The following HGD variants were observed in gnomAD, a reference collection of about 807,000 sequenced individuals.
HGD encodes the protein homogentisate 1,2-dioxygenase, also known as homogentisate oxidase.
Under a neutral mutation model 60.8 loss-of-function variants are expected in HGD, and 61 were observed. The ratio of observed to expected loss-of-function variants is 1.00; its 90% CI spans 0.82 to 1.24. The LOEUF (loss-of-function observed/expected upper bound fraction) is 1.24. Ranked by LOEUF, HGD falls within the 50% of genes most tolerant of loss-of-function variation. The pLI is 0.00. For synonymous variants in HGD, 212 were observed against 187.7 expected, an observed-to-expected ratio of 1.13 and a Z score of -1.06; for missense variants, 542 against 547.1, an observed-to-expected ratio of 0.99 and a Z score of 0.09.
rs1313793486 is a variant in HGD at position 120,646,356 on chromosome 3, C to T, written c.560G>A (p.Arg187Gln). 13 of 1,608,982 alleles carry T rather than the reference C, an allele frequency of 8.1e-6. No homozygotes were observed. The Admixed American group carries it at 1.0e-4, about 12-fold the overall frequency. ...CTCCTCAAAGACATCTATGCTGAACCGCATTCCTCTCTGGAATGGAAAGCA... is the reference window on the plus strand; with the variant it reads ...CTCCTCAAAGACATCTATGCTGAACTGCATTCCTCTCTGGAATGGAAAGCA... The part of the protein sequence containing the change: ...NEICVIQRGM[R>Q]FSIDVFEETR... The change falls in exon 9 of 14, where the codon CGG becomes CAG. Residue 187 changes from arginine to glutamine, a missense_variant. Arg to Gln is a conservative substitution (Grantham distance 43). Coordinates refer to ENST00000283871, the MANE Select transcript of HGD (RefSeq NM_000187.4).
chr3:120,631,215 C>T (rs995863972), intron 13 of HGD, among the ~76,000 whole-genome samples: 2 of 151,458 alleles, frequency 1.3e-5, no homozygotes, highest in African/African-American at 4.9e-5. Context: ...TCACATGTAC[C>T]CCTGAACCTC....
chr3:120,670,764 C>G (rs1207957438), intron 3 of HGD, among the ~76,000 whole-genome samples: 1 of 152,184 alleles, frequency 6.6e-6, no homozygotes, highest in African/African-American at 2.4e-5. Flanking sequence ...CAAATGGACT[C>G]TGACTCATGG....
At chr3:120,662,466 A>T (rs915650011) in intron 4 of HGD, among the ~76,000 whole-genome samples, 5 of 152,180 alleles carry the variant, frequency 3.3e-5, no homozygotes, top group Non-Finnish European at 7.3e-5. Context: ...CATGGGAGTC[A>T]TCTGGGGAGA....
At chr3:120,648,072 G>A (rs1194555054) in intron 6 of HGD, among the ~76,000 whole-genome samples, 161 bp from the exon 7 acceptor site, 2 of 152,226 alleles carry the variant, frequency 1.3e-5, no homozygotes, top group Non-Finnish European at 2.9e-5. Flanking sequence ...GGAACTTAGA[G>A]TCTAGTGGGG....
chr3:120,655,086 C>T (rs1165221566), intron 4 of HGD, among the ~76,000 whole-genome samples: 1 of 151,898 alleles, frequency 6.6e-6, no homozygotes, highest in African/African-American at 2.4e-5. Flanking sequence ...CAAAAAACAA[C>T]AAAAACAACA....
Position 120,650,795 on chromosome 3 carries a change from C to A in HGD, c.413G>T (p.Cys138Phe). 6.2e-7 allele frequency: 1 copy of A among 1,613,896 alleles called. No individual in the cohort carries two copies. Among genetic ancestry groups the A allele is most frequent in the Non-Finnish European group, 8.5e-7 (1 of 1,179,724 alleles). The change falls in exon 6 of 14, where the codon TGC becomes TTC. Residue 138 changes from cysteine (C) to phenylalanine (F), a missense_variant. This residue lies in a region of HGD where 537 missense variants were observed against 529.1 expected (regional missense o/e 1.01). Transcript: ENST00000283871. ...NNGLAIHIFL[C>F]NTSMENRCFY... is the part of the protein sequence containing the mutation. ...TTACCTGTTCTCCATGGAGGTATTGCAGAGGAAAATGTGGATAGCAAGCCC... is the reference window on the plus strand; with the variant it reads ...TTACCTGTTCTCCATGGAGGTATTGAAGAGGAAAATGTGGATAGCAAGCCC...
intron 6 of HGD, among the ~76,000 whole-genome samples, chr3:120,648,493 T>C (rs937194768): frequency 1.3e-5 from 2 of 152,330 alleles, no homozygotes; most frequent in Non-Finnish European, 2.9e-5. Flanking sequence ...CCAGGAAATG[T>C]AGAGTTGGGC....
intron 13 of HGD, among the ~76,000 whole-genome samples, chr3:120,630,755 C>G (rs1170410318): frequency 7.4e-6 from 1 of 136,026 alleles, no homozygotes; most frequent in Non-Finnish European, 1.5e-5. Context: ...CAATTGGCAA[C>G]AAAAGAAAAA....
At chr3:120,664,143 T>G (rs1707842523) in intron 4 of HGD, among the ~76,000 whole-genome samples, 1 of 152,028 alleles carries the variant, frequency 6.6e-6, no homozygotes, top group East Asian at 1.9e-4. Context: ...GGATCTACAG[T>G]GCAGGTATCA....
chr3:120,650,909 G>T, intron 5 of HGD, 44 bp from the exon 6 acceptor site: 1 of 1,445,958 alleles, frequency 6.9e-7, no homozygotes, highest in Non-Finnish European at 9.7e-7. Flanking sequence ...TGTGAACGGT[G>T]CCCAAGAGGC....
intron 6 of HGD, among the ~76,000 whole-genome samples, chr3:120,649,300 G>A (rs1365245846): frequency 6.6e-6 from 1 of 151,262 alleles, no homozygotes; most frequent in Non-Finnish European, 1.5e-5. Context: ...CCACCACCAC[G>A]CCCGGCTAAT....
At chr3:120,633,448 A>G (rs1940655270) in intron 12 of HGD, 120 bp from the exon 13 acceptor site, 1 of 1,580,162 alleles carries the variant, frequency 6.3e-7, no homozygotes, top group Non-Finnish European at 8.6e-7. Flanking sequence ...TAAATTGTAT[A>G]GGATTAATAA....
chr3:120,629,611 A>C (rs1038044859), intron 13 of HGD, among the ~76,000 whole-genome samples: 5 of 152,186 alleles, frequency 3.3e-5, no homozygotes, highest in African/African-American at 9.7e-5. Flanking sequence ...TAAACTAGGC[A>C]TTGAAGGAAC....
chr3:120,659,681 C>T (rs1361305251), intron 4 of HGD, among the ~76,000 whole-genome samples: 5 of 152,240 alleles, frequency 3.3e-5, no homozygotes, highest in Admixed American at 3.3e-4. Context: ...GTCACTTCCA[C>T]ATTTTCAGGT....
intron 4 of HGD, chr3:120,670,201 A>G (rs1707993987): frequency 3.5e-6 from 2 of 571,020 alleles, no homozygotes; most frequent in Non-Finnish European, 3.1e-6. Flanking sequence ...TCAATTAAAA[A>G]TATGTCCTTT....
intron 10 of HGD, chr3:120,641,940 C>G: frequency 1.9e-6 from 1 of 518,800 alleles, no homozygotes. Flanking sequence ...ACACATGCAG[C>G]AGAAACACAG....
At chr3:120,663,405 C>T (rs912069588) in intron 4 of HGD, among the ~76,000 whole-genome samples, 1 of 152,104 alleles carries the variant, frequency 6.6e-6, no homozygotes, top group Non-Finnish European at 1.5e-5. Context: ...GAAAGCCTCA[C>T]AATGATAGCA....
Position 120,644,341 on chromosome 3 carries a change from C to T in HGD, c.752G>A (p.Gly251Asp), listed in dbSNP as rs781011621. The change falls in exon 10 of 14, where the codon GGC becomes GAC. Residue 251 changes from glycine (G) to aspartate (D), a missense_variant. This residue lies in a region of HGD where 537 missense variants were observed against 529.1 expected (regional missense o/e 1.01). Coordinates refer to ENST00000283871, the MANE Select transcript of HGD (RefSeq NM_000187.4). ...TACCTGTTTGGCAGCAAACAGCTTG[C>T]CCTGGTATTTATTAATGACCGTGTA... ...GGYTVINKYQ[G>D]KLFAAKQDVS... is the part of the protein sequence containing the mutation. 73 of 1,614,086 alleles carry T rather than the reference C, an allele frequency of 4.5e-5. 2 individuals are homozygous for T. In the South Asian group the frequency reaches 7.1e-4, roughly 16 times the overall value.
At chr3:120,665,915 T>C (rs1427204663) in intron 4 of HGD, among the ~76,000 whole-genome samples, 1 of 152,204 alleles carries the variant, frequency 6.6e-6, no homozygotes, top group Non-Finnish European at 1.5e-5. Context: ...TGCCTAAATA[T>C]AATTTTCTCA....
Sources: gnomAD v4.1 joint callset for allele counts (sites outside exome capture counted in the v4.1 genomes callset) on GRCh38, gnomAD v4.1.1 for gene constraint, gnomAD v4.1.1 regional missense constraint, MANE v1.5 for transcripts, NCBI Gene and HGNC (gene_info 2026-07-23, HGNC 2026-07-21) for gene names.